TDRD3: variants seen among roughly 807,000 people sequenced by gnomAD.
TDRD3 encodes tudor domain containing 3.
TDRD3 carries 45 observed loss-of-function variants against 86.7 expected under a neutral mutation model. The ratio of observed to expected loss-of-function variants is 0.52; its 90% CI spans 0.41 to 0.67. TDRD3 has a LOEUF of 0.67. TDRD3 is among the 30% of genes least tolerant of loss of function. TDRD3 has a pLI of 0.00. For missense variants in TDRD3, 814 were observed against 889.0 expected, an observed-to-expected ratio of 0.92 and a Z score of 1.07; for synonymous variants, 298 against 301.7, an observed-to-expected ratio of 0.99 and a Z score of 0.13.
upstream of TDRD3, chr13:60,397,150 C>G (rs887521178): frequency 4.5e-5 from 18 of 397,150 alleles, 1 homozygote; most frequent in Admixed American, 7.0e-4. Context: ...GGGAGCCCCA[C>G]ACCAGGCCGG....
intron 13 of TDRD3, among the ~76,000 whole-genome samples, chr13:60,569,583 T>G (rs1282633311): frequency 6.6e-6 from 1 of 152,070 alleles, no homozygotes; most frequent in Non-Finnish European, 1.5e-5. Context: ...ATTCTAAAAT[T>G]TATATGGAAC....
chr13:60,412,002 A>G (rs1390991162), intron 1 of TDRD3, among the ~76,000 whole-genome samples: 1 of 152,168 alleles, frequency 6.6e-6, no homozygotes, highest in Non-Finnish European at 1.5e-5. Flanking sequence ...TGAGGAAGAG[A>G]GACATCGTAT....
chr13:60,534,126 C>T (rs1017880573), intron 11 of TDRD3, among the ~76,000 whole-genome samples: 1 of 152,062 alleles, frequency 6.6e-6, no homozygotes, highest in Non-Finnish European at 1.5e-5. Flanking sequence ...GCTTGGGCAA[C>T]CTAGCAATAC....
chr13:60,442,306 G>A (rs1158162763), intron 2 of TDRD3, among the ~76,000 whole-genome samples: 1 of 151,790 alleles, frequency 6.6e-6, no homozygotes, highest in Non-Finnish European at 1.5e-5. Flanking sequence ...TTAAGATTTT[G>A]TATAATATAA....
At chr13:60,462,697 G>A (rs570424212) in intron 4 of TDRD3, among the ~76,000 whole-genome samples, 1 of 151,968 alleles carries the variant, frequency 6.6e-6, no homozygotes, top group South Asian at 2.1e-4. Context: ...TTATTACAAT[G>A]AAGTGAGATT....
At chr13:60,529,324 G>T in intron 11 of TDRD3, 107 bp downstream of exon 11, 1 of 1,246,900 alleles carries the variant, frequency 8.0e-7, no homozygotes, top group Non-Finnish European at 1.1e-6. Flanking sequence ...TTCTACTATT[G>T]TACCTGTTTA....
At chr13:60,505,545 C>A (rs1410817568) in intron 8 of TDRD3, among the ~76,000 whole-genome samples, 2 of 152,196 alleles carry the variant, frequency 1.3e-5, no homozygotes, top group Non-Finnish European at 2.9e-5. Context: ...TGCCTGCCGG[C>A]TCTGAAGCAA....
chr13:60,504,112 T>G (rs1311401793), intron 8 of TDRD3, among the ~76,000 whole-genome samples: 1 of 152,232 alleles, frequency 6.6e-6, no homozygotes, highest in Non-Finnish European at 1.5e-5. Flanking sequence ...TTTTAAATCT[T>G]TTTATAATTT....
intron 5 of TDRD3, among the ~76,000 whole-genome samples, chr13:60,471,988 T>C (rs1211203948): frequency 6.6e-6 from 1 of 151,114 alleles, no homozygotes; most frequent in African/African-American, 2.4e-5. Context: ...CTATTGAATA[T>C]GATGTTAGTG....
At chr13:60,532,683 A>G (rs905748546) in intron 11 of TDRD3, among the ~76,000 whole-genome samples, 2 of 152,194 alleles carry the variant, frequency 1.3e-5, no homozygotes, top group African/African-American at 2.4e-5. Context: ...TTTCCATAGG[A>G]GAATTTGGGA....
Position 60,528,704 on chromosome 13 carries a change from T to C in TDRD3, c.1479T>C (p.Asp493=). ...TSYPLGSQHS[D]GAFKKRDNSM... The stretch of plus-strand genomic sequence containing the variant: ...ATCCTTTAGGTTCTCAGCATAGTGA[T>C]GGTGCTTTTAAAAAAAGAGATAACT... Residue 493 remains aspartate, a synonymous_variant, in exon 11 of 14, where the codon GAT becomes GAC. Transcript: ENST00000377881. The C allele has an allele frequency of 6.2e-7, 1 of 1,612,064 alleles. No individual in the cohort carries two copies. Among genetic ancestry groups the C allele is most frequent in the Non-Finnish European group, 8.5e-7 (1 of 1,179,402 alleles).
chr13:60,507,522 G>C (rs1193719894), intron 8 of TDRD3, among the ~76,000 whole-genome samples: 1 of 152,152 alleles, frequency 6.6e-6, no homozygotes, highest in African/African-American at 2.4e-5. Context: ...TTAAAACTCA[G>C]GATTAAGAAA....
chr13:60,498,924 A>G (rs1200637302), intron 8 of TDRD3, among the ~76,000 whole-genome samples: 4 of 152,110 alleles, frequency 2.6e-5, no homozygotes, highest in Non-Finnish European at 4.4e-5. Context: ...CTCAGGTCCA[A>G]ATTACAGTGG....
chr13:60,482,745 G>T (rs887924316), intron 5 of TDRD3, among the ~76,000 whole-genome samples: 6 of 151,742 alleles, frequency 4.0e-5, no homozygotes, highest in African/African-American at 1.5e-4. Context: ...TGTTGTGCTT[G>T]ACTGTCGTTA....
chr13:60,497,740 G>A lies in TDRD3; in HGVS notation c.858+3165G>A, dbSNP rs545344511. 2.6e-5 allele frequency among the ~76,000 whole-genome samples: 4 copies of A among 152,298 alleles called. No homozygotes were observed. The East Asian group carries it at 7.7e-4, about 29-fold the overall frequency. ...TGGGGATGTGTGGGTGGGCCCTGAT[G>A]AAGCTGGGGACACTGAGTTTGTAAA... On this transcript the variant is annotated intron_variant, in intron 8 of 13. Transcript: ENST00000377881.
intron 1 of TDRD3, among the ~76,000 whole-genome samples, chr13:60,404,967 C>A (rs561698530): frequency 2.0e-5 from 3 of 152,314 alleles, no homozygotes; most frequent in Admixed American, 2.0e-4. Context: ...ATGGGAGGTG[C>A]CCTGCACAAG....
rs17058166 is a variant in TDRD3 at position 60,438,367 on chromosome 13, A to G, written c.42-1321A>G. Among the ~76,000 whole-genome samples, 1,436 of 152,226 alleles carry G rather than the reference A, an allele frequency of 9.4e-3. 20 individuals carry two copies. Among genetic ancestry groups the G allele is most frequent in the African/African-American group, 0.032 (1,339 of 41,554 alleles). The stretch of plus-strand genomic sequence containing the variant: ...ATACTGTCATTCCTGCCTACCATCT[A>G]TTCATTCTTACTGACTCATCGATAT... On this transcript the variant is annotated intron_variant, in intron 1 of 13. Transcript: ENST00000377881.
chr13:60,557,636 T>C (rs961119069), intron 12 of TDRD3, among the ~76,000 whole-genome samples: 1 of 152,000 alleles, frequency 6.6e-6, no homozygotes, highest in African/African-American at 2.4e-5. Context: ...ATTTCTTAAC[T>C]CTCATTAAGA....
intron 12 of TDRD3, among the ~76,000 whole-genome samples, chr13:60,565,632 A>G (rs1958441237): frequency 6.6e-6 from 1 of 152,118 alleles, no homozygotes; most frequent in Non-Finnish European, 1.5e-5. Context: ...AGATTTTTAG[A>G]TGTTCTCCAG....
Sources: allele counts gnomAD v4.1 joint callset (sites outside exome capture counted in the v4.1 genomes callset), GRCh38; gene constraint gnomAD v4.1.1; transcripts MANE v1.5; gene names NCBI Gene and HGNC (gene_info 2026-07-23, HGNC 2026-07-21).